The following PLCB1 variants were observed in gnomAD, a reference collection of about 807,000 sequenced individuals.
PLCB1 encodes the protein 1-phosphatidylinositol 4,5-bisphosphate phosphodiesterase beta-1.
In PLCB1, 46 loss-of-function variants were observed where a neutral mutation model predicts 161.8. The observed-to-expected ratio is 0.28, with a 90% CI of 0.22 to 0.36. The LOEUF is 0.36. Among genes scored for constraint, PLCB1 ranks in the 10% least tolerant of loss-of-function variants. The pLI is 1.00. For synonymous variants in PLCB1, 517 were observed against 503.7 expected (o/e 1.03, Z -0.35); for missense variants, 1,016 against 1,472.5 (o/e 0.69, Z 5.07).
intron 2 of PLCB1, among the ~76,000 whole-genome samples, chr20:8,203,030 T>A (rs1174854814): frequency 6.6e-6 from 1 of 151,998 alleles, no homozygotes; most frequent in Admixed American, 6.6e-5. Context: ...TAGTGAGTAG[T>A]GATTACGGAG....
In PLCB1 at chr20:8,457,477, C is replaced by T. The variant is rs113356011; in HGVS notation, c.246+86027C>T. Among the ~76,000 whole-genome samples the T allele has an allele frequency of 7.8e-3, 1,192 of 152,132 alleles. 15 individuals are homozygous for T. Among genetic ancestry groups the T allele is most frequent in the African/African-American group, 0.026 (1,070 of 41,490 alleles). ...CTGCCAATGTTTAGGCCTGCAGCAA[C>T]GATTTCCTAAATTGCCCACCTTCCA... On this transcript the variant is annotated intron_variant, in intron 3 of 31. Transcript: ENST00000338037.
At chr20:8,697,546 T>C in intron 10 of PLCB1, 80 bp from the exon 11 acceptor site, 3 of 1,413,228 alleles carry the variant, frequency 2.1e-6, no homozygotes, top group Non-Finnish European at 3.0e-6. Context: ...TTTCCTGTTA[T>C]TGAGGAGCCT....
chr20:8,762,280 T>A, intron 25 of PLCB1, among the ~76,000 whole-genome samples: 1 of 152,252 alleles, frequency 6.6e-6, no homozygotes, highest in African/African-American at 2.4e-5. Context: ...ACAGCAGTGT[T>A]CCTAGAATGT....
At chr20:8,445,671 A>C (rs1026184743) in intron 3 of PLCB1, among the ~76,000 whole-genome samples, 22 of 152,220 alleles carry the variant, frequency 1.4e-4, no homozygotes, top group African/African-American at 5.1e-4. Flanking sequence ...GATTCTTCCT[A>C]TCCATGAGCA....
intron 3 of PLCB1, among the ~76,000 whole-genome samples, chr20:8,604,430 C>A (rs756759881): frequency 3.3e-5 from 5 of 151,984 alleles, no homozygotes; most frequent in Non-Finnish European, 5.9e-5. Context: ...TTGAGTACAT[C>A]CTAATTCTTT....
At chr20:8,646,778 A>G (rs777701796) in intron 5 of PLCB1, among the ~76,000 whole-genome samples, 2 of 152,240 alleles carry the variant, frequency 1.3e-5, no homozygotes, top group Non-Finnish European at 1.5e-5. Context: ...AGCCCTTCTA[A>G]AAATTGTTTG....
intron 3 of PLCB1, among the ~76,000 whole-genome samples, chr20:8,409,773 T>A (rs541347254): frequency 2.0e-5 from 3 of 152,176 alleles, no homozygotes; most frequent in African/African-American, 7.2e-5. Context: ...GGATTGTATA[T>A]TCTGTTAAGA....
intron 3 of PLCB1, among the ~76,000 whole-genome samples, chr20:8,380,225 C>G (rs192795636): frequency 6.6e-6 from 1 of 152,138 alleles, no homozygotes; most frequent in Admixed American, 6.5e-5. Context: ...ATAGGAGATC[C>G]TTTCCCCATT....
chr20:8,819,768 CA>C (rs1474259468), intron 31 of PLCB1, among the ~76,000 whole-genome samples: 1 of 152,120 alleles, frequency 6.6e-6, no homozygotes, highest in Non-Finnish European at 1.5e-5. Flanking sequence ...CTTCCACCAA[CA>C]GTTTACAGTT....
intron 31 of PLCB1, among the ~76,000 whole-genome samples, chr20:8,868,403 T>C (rs1236283929): frequency 1.3e-5 from 2 of 152,216 alleles, no homozygotes; most frequent in African/African-American, 2.4e-5. Flanking sequence ...ATGGGACCCC[T>C]CTTCAGCATC....
chr20:8,381,880 T>C (rs552609502), intron 3 of PLCB1, among the ~76,000 whole-genome samples: 20 of 151,624 alleles, frequency 1.3e-4, no homozygotes, highest in Admixed American at 2.0e-4. Context: ...TTTGTTAATT[T>C]TTTCGGGAAA....
chr20:8,260,616 G>C (rs557930245), intron 2 of PLCB1, among the ~76,000 whole-genome samples: 38 of 152,100 alleles, frequency 2.5e-4, no homozygotes, highest in Admixed American at 2.4e-3. Flanking sequence ...GTTATAAGAG[G>C]GACAAGCAAA....
chr20:8,276,474 A>G (rs538294088), intron 2 of PLCB1, among the ~76,000 whole-genome samples: 1 of 152,314 alleles, frequency 6.6e-6, no homozygotes, highest in East Asian at 1.9e-4. Context: ...CTTGATAAGC[A>G]CTTAATACAT....
At chr20:8,320,072 G>A (rs1984840444) in intron 2 of PLCB1, among the ~76,000 whole-genome samples, 1 of 152,056 alleles carries the variant, frequency 6.6e-6, no homozygotes, top group African/African-American at 2.4e-5. Context: ...GACATGTGAG[G>A]TCCGGGGGCA....
intron 2 of PLCB1, among the ~76,000 whole-genome samples, chr20:8,245,959 C>G (rs114362123): frequency 0.024 from 3,573 of 151,854 alleles, 152 homozygotes; most frequent in African/African-American, 0.081. Context: ...GATTCAAATC[C>G]TGGATTTTCC....
intron 3 of PLCB1, among the ~76,000 whole-genome samples, chr20:8,432,448 C>T (rs1202030151): frequency 6.6e-6 from 1 of 152,166 alleles, no homozygotes; most frequent in Non-Finnish European, 1.5e-5. Flanking sequence ...CTATTCTATC[C>T]GAGCCCCACC....
At chr20:8,285,633 C>T (rs1412044548) in intron 2 of PLCB1, among the ~76,000 whole-genome samples, 2 of 152,114 alleles carry the variant, frequency 1.3e-5, no homozygotes, top group South Asian at 4.1e-4. Context: ...CATAGTGTGA[C>T]CATGGATACA....
intron 3 of PLCB1, among the ~76,000 whole-genome samples, chr20:8,499,713 G>A (rs966955444): frequency 2.6e-5 from 4 of 152,178 alleles, no homozygotes; most frequent in Non-Finnish European, 1.5e-5. Context: ...CTAACTTGCT[G>A]CAATTTGATA....
In PLCB1 at chr20:8,739,263, G is replaced by A; in HGVS notation, c.2211G>A (p.Val737=). The A allele has an allele frequency of 6.3e-7, 1 of 1,594,882 alleles. No individual in the cohort carries two copies. Among genetic ancestry groups the A allele is most frequent in the Non-Finnish European group, 8.6e-7 (1 of 1,162,522 alleles). Residue 737 remains valine, a splice_region_variant and synonymous_variant, in exon 21 of 32, where the codon GTG becomes GTA. Coordinates refer to ENST00000338037, the MANE Select transcript of PLCB1 (RefSeq NM_015192.4). ...WEEEPIVFKK[V]VLPTLACLRI... is the part of the protein sequence containing the mutation. ...TGTGTCCTTAATGTCCTTTGTAGGT[G>A]GTTCTTCCTACTCTGGCCTGTTTGA...
Sources: allele counts gnomAD v4.1 joint callset (sites outside exome capture counted in the v4.1 genomes callset), GRCh38; gene constraint gnomAD v4.1.1; transcripts MANE v1.5; gene names NCBI Gene and HGNC (gene_info 2026-07-23, HGNC 2026-07-21).